Variants in ST6GAL1 observed in about 807,000 individuals in gnomAD.
The protein encoded by ST6GAL1 is beta-galactoside alpha-2,6-sialyltransferase 1.
ST6GAL1 carries 20 observed loss-of-function variants against 38.0 expected under a neutral mutation model. The observed-to-expected ratio is 0.53, with a 90% CI of 0.37 to 0.77. ST6GAL1 has a LOEUF of 0.77. Among genes scored for constraint, ST6GAL1 ranks in the 30% least tolerant of loss-of-function variants. The pLI, the probability that ST6GAL1 is intolerant of heterozygous loss-of-function variation, is 0.00. For synonymous variants in ST6GAL1, 196 were observed against 188.2 expected, an observed-to-expected ratio of 1.04 and a Z score of -0.34; for missense variants, 432 against 496.4, an observed-to-expected ratio of 0.87 and a Z score of 1.23.
chr3:186,950,849 T>C (rs1378781346), intron 1 of ST6GAL1, among the ~76,000 whole-genome samples: 1 of 152,250 alleles, frequency 6.6e-6, no homozygotes, highest in African/African-American at 2.4e-5. Flanking sequence ...AGGATTTTAT[T>C]TGCTGCATGC....
chr3:186,966,761 G>A (rs943281299), intron 2 of ST6GAL1, among the ~76,000 whole-genome samples: 1 of 152,178 alleles, frequency 6.6e-6, no homozygotes, highest in African/African-American at 2.4e-5. Flanking sequence ...GAGGCCCAGT[G>A]GTGCTGGGCC....
chr3:186,985,607 TA>T (rs34935712), intron 2 of ST6GAL1, among the ~76,000 whole-genome samples: 31,748 of 122,690 alleles, frequency 0.26, 4,216 homozygotes, highest in East Asian at 0.55. Context: ...CTTCAAAAAG[TA>T]AAAAAAAAAA....
In ST6GAL1 at chr3:187,074,441, A is replaced by G. The variant is rs565136568; in HGVS notation, c.979+108A>G. The G allele has an allele frequency of 6.5e-6, 8 of 1,237,180 alleles. No individual in the cohort carries two copies. The East Asian group carries it at 1.9e-4, about 29-fold the overall frequency. The allele number at this position is 1,237,180 out of a possible 1,614,324, so 76.6% of individuals were successfully genotyped here. ...CGTTTGTTCATTTGTTCACTAAACA[A>G]TTGCTAGGATTCTGCTCTGCTTGTA... On this transcript the variant is annotated intron_variant, in intron 7 of 7. Transcript: ENST00000169298.
intron 2 of ST6GAL1, among the ~76,000 whole-genome samples, chr3:186,981,067 C>T (rs973775921): frequency 6.6e-5 from 10 of 152,078 alleles, no homozygotes; most frequent in African/African-American, 2.4e-4. Context: ...AGCAGCTATG[C>T]AAAGCAAGGA....
chr3:186,962,488 C>A (rs1412133920), intron 1 of ST6GAL1, among the ~76,000 whole-genome samples: 1 of 152,082 alleles, frequency 6.6e-6, no homozygotes, highest in Non-Finnish European at 1.5e-5. Flanking sequence ...AATGGTTACA[C>A]CAGGTGAACG....
intron 7 of ST6GAL1, among the ~76,000 whole-genome samples, chr3:187,074,857 C>T (rs1195354289): frequency 1.3e-5 from 2 of 152,100 alleles, no homozygotes; most frequent in East Asian, 1.9e-4. Context: ...TAATATTTCA[C>T]TACAGTATCT....
chr3:186,953,295 G>C (rs1045968114), intron 1 of ST6GAL1, among the ~76,000 whole-genome samples: 1 of 152,132 alleles, frequency 6.6e-6, no homozygotes, highest in Non-Finnish European at 1.5e-5. Flanking sequence ...TTCATCTCCT[G>C]CTCTTTTCCA....
intron 5 of ST6GAL1, among the ~76,000 whole-genome samples, chr3:187,068,571 G>A (rs1719252930): frequency 6.6e-6 from 1 of 152,160 alleles, no homozygotes; most frequent in African/African-American, 2.4e-5. Context: ...ATTAAATGGT[G>A]TCTGTTGTTT....
chr3:186,973,012 G>A (rs1169000374), intron 2 of ST6GAL1, among the ~76,000 whole-genome samples: 2 of 152,118 alleles, frequency 1.3e-5, no homozygotes, highest in Non-Finnish European at 2.9e-5. Context: ...TCACCGCTGG[G>A]AAGATACCCT....
chr3:187,075,565 T>C lies in ST6GAL1; in HGVS notation c.983T>C (p.Ile328Thr), dbSNP rs756982737. Residue 328 changes from isoleucine to threonine, a missense_variant, in exon 8 of 8, where the codon ATC becomes ACC. Ile to Thr is a moderately conservative substitution (Grantham distance 89). Coordinates refer to ENST00000169298, the MANE Select transcript of ST6GAL1 (RefSeq NM_173216.2). The surrounding 1 kb of genome is among the most constrained non-coding windows in gnomAD (Gnocchi z 4.1). The stretch of plus-strand genomic sequence containing the variant: ...TCACCTCTGCTCCCCTCTCCAGGTA[T>C]CATCATCATGATGACGCTGTGTGAC... ...PNPPSSGMLG[I>T]IIMMTLCDQV... The C allele has an allele frequency of 6.8e-6, 11 of 1,613,990 alleles. No individual in the cohort carries two copies. In the South Asian group the frequency reaches 1.1e-4, roughly 16 times the overall value.
chr3:187,018,672 C>T (rs1238426218), intron 2 of ST6GAL1, among the ~76,000 whole-genome samples: 1 of 152,228 alleles, frequency 6.6e-6, no homozygotes, highest in African/African-American at 2.4e-5. Flanking sequence ...GGTGGGTCTG[C>T]CTTCCCCAGC....
intron 2 of ST6GAL1, among the ~76,000 whole-genome samples, chr3:186,995,971 G>T (rs1430160643): frequency 9.9e-5 from 15 of 152,176 alleles, no homozygotes; most frequent in Admixed American, 9.2e-4. Flanking sequence ...GTAGACACAG[G>T]CCCACAGGTG....
At chr3:187,039,295 G>A (rs2268535) in intron 3 of ST6GAL1, among the ~76,000 whole-genome samples, 49,134 of 152,044 alleles carry the variant, frequency 0.32, 9,326 homozygotes, top group African/African-American at 0.52. Flanking sequence ...TAGAAGCCTC[G>A]TGATGATTGT....
intron 4 of ST6GAL1, among the ~76,000 whole-genome samples, chr3:187,050,099 A>G (rs1718457144): frequency 6.6e-6 from 1 of 152,238 alleles, no homozygotes; most frequent in Non-Finnish European, 1.5e-5. Flanking sequence ...TGAAATAAAG[A>G]GAGAGGCTTT....
At chr3:187,050,536 G>GAA (rs1718472925) in intron 4 of ST6GAL1, among the ~76,000 whole-genome samples, 3 of 81,922 alleles carry the variant, frequency 3.7e-5, no homozygotes, top group Non-Finnish European at 6.3e-5. Context: ...TACAAAGAAA[G>GAA]AGAGAGAGAG....
At chr3:187,064,151 G>GA (rs948183936) in intron 5 of ST6GAL1, among the ~76,000 whole-genome samples, 13 of 151,324 alleles carry the variant, frequency 8.6e-5, no homozygotes, top group Non-Finnish European at 1.3e-4. Flanking sequence ...AATTTTTAGG[G>GA]AAAAAAAGGT....
intron 1 of ST6GAL1, among the ~76,000 whole-genome samples, chr3:186,937,074 T>C (rs1413006306): frequency 6.6e-6 from 1 of 151,878 alleles, no homozygotes. Context: ...TTGGCAATTT[T>C]CCTTCTTCTT....
At chr3:186,977,702 G>A (rs779519149) in intron 2 of ST6GAL1, among the ~76,000 whole-genome samples, 8 of 152,110 alleles carry the variant, frequency 5.3e-5, no homozygotes, top group African/African-American at 9.7e-5. Context: ...GTGCCTCCAG[G>A]GGCCTGCTGT....
At chr3:186,987,125 A>AAAGG (rs147208860) in intron 2 of ST6GAL1, among the ~76,000 whole-genome samples, 7,570 of 141,380 alleles carry the variant, frequency 0.054, 250 homozygotes, top group East Asian at 0.07. Flanking sequence ...ACTGCATAGG[A>AAAGG]AAGGAAGGAA....
Sources: gnomAD v4.1 joint callset for allele counts (sites outside exome capture counted in the v4.1 genomes callset) on GRCh38, gnomAD v4.1.1 for gene constraint, Gnocchi (gnomAD v3.1) non-coding constraint, MANE v1.5 for transcripts, NCBI Gene and HGNC (gene_info 2026-07-23, HGNC 2026-07-21) for gene names.